Variants in NBAS observed in about 807,000 individuals in gnomAD.
NBAS encodes the protein NBAS subunit of NRZ tethering complex.
A neutral mutation model predicts 302.5 loss-of-function variants in NBAS; 219 were observed. The observed-to-expected ratio is 0.72, with a 90% CI of 0.65 to 0.81. The LOEUF (loss-of-function observed/expected upper bound fraction) is 0.81, where lower values mean the gene tolerates loss of function less well. Among genes scored for constraint, NBAS ranks in the 30% least tolerant of loss-of-function variants. The probability of loss-of-function intolerance (pLI) is 0.00; values close to 1 mark genes in which losing one functional copy is unlikely to be tolerated. For missense variants in NBAS, 2,932 were observed against 2,841.6 expected (o/e 1.03, Z -0.72); for synonymous variants, 1,118 against 1,021.6 (o/e 1.09, Z -1.80).
In NBAS at chr2:15,374,761, T is replaced by C. The variant is rs771138273; in HGVS notation, c.3591-41A>G. On this transcript the variant is annotated intron_variant, in intron 30 of 51. Transcript: ENST00000281513. The stretch of plus-strand genomic sequence containing the variant: ...TAAATTTTTAAAAAGAAGCAACATA[T>C]GTTCACCTTTCTATACTCAACACCA... The C allele has an allele frequency of 3.3e-6, 5 of 1,506,912 alleles. No homozygotes were observed. The South Asian group carries it at 4.5e-5, about 14-fold the overall frequency. 93.3% of individuals were successfully genotyped at this position (1,506,912 alleles called of 1,614,324 possible). A position where few individuals can be genotyped will look rare whatever the true frequency, so the allele number is the denominator to read the frequency against.
intron 48 of NBAS, among the ~76,000 whole-genome samples, chr2:15,202,149 C>A (rs1665905127): frequency 6.6e-6 from 1 of 152,150 alleles, no homozygotes; most frequent in Non-Finnish European, 1.5e-5. Flanking sequence ...AATGAAAGAA[C>A]AGGAATGTAG....
chr2:15,317,948 A>C (rs1245076092), intron 38 of NBAS, among the ~76,000 whole-genome samples: 1 of 152,224 alleles, frequency 6.6e-6, no homozygotes, highest in Non-Finnish European at 1.5e-5. Context: ...CATAATTGTC[A>C]GATTCACCAA....
At chr2:15,269,226 G>C (rs988026138) in intron 44 of NBAS, among the ~76,000 whole-genome samples, 3 of 152,190 alleles carry the variant, frequency 2.0e-5, no homozygotes, top group Non-Finnish European at 2.9e-5. Context: ...CACGGGCAGG[G>C]ATATGTGAAA....
the NBAS span, among the ~76,000 whole-genome samples, chr2:15,160,592 A>G: frequency 0.018 from 1,020 of 55,674 alleles, 1 homozygote; most frequent in Admixed American, 0.039. Context: ...GGGCGGGGGG[A>G]GGGGGGGGGG....
chr2:15,479,639 C>G (rs189816578), intron 12 of NBAS, among the ~76,000 whole-genome samples: 5 of 152,304 alleles, frequency 3.3e-5, no homozygotes, highest in South Asian at 2.1e-4. Context: ...AAATAAATAA[C>G]TCTCACTTGA....
intron 32 of NBAS, among the ~76,000 whole-genome samples, chr2:15,362,766 C>T (rs1673999030): frequency 6.6e-6 from 1 of 152,094 alleles, no homozygotes; most frequent in East Asian, 1.9e-4. Context: ...CCTAGCTAGG[C>T]TACAAGCTCT....
chr2:15,252,198 C>A (rs752398015), intron 44 of NBAS, among the ~76,000 whole-genome samples: 2 of 151,984 alleles, frequency 1.3e-5, no homozygotes, highest in Non-Finnish European at 2.9e-5. Flanking sequence ...GACTTTTTTT[C>A]TTTTAAAAAT....
the NBAS span, among the ~76,000 whole-genome samples, chr2:14,820,864 G>T: frequency 6.6e-6 from 1 of 152,094 alleles, no homozygotes; most frequent in African/African-American, 2.4e-5. Context: ...AAGTGGCCAG[G>T]CCAGGTCAGC....
rs769223809 is a variant in NBAS, at chr2:15,167,241, A to C, written c.6923T>G (p.Phe2308Cys). Residue 2308 changes from phenylalanine (F) to cysteine (C), a missense_variant, in exon 52 of 52, where the codon TTC becomes TGC. By Grantham distance (205) the Phe-to-Cys change is radical. Transcript: ENST00000281513. ...GAGGTGGTCAACAATACGTGGATAG[A>C]AGGGAGTGGAGACACACTTCACCAG... ...KLLVKCVSTP[F>C]YPRIVDHLLA... The C allele has an allele frequency of 6.2e-7, 1 of 1,614,094 alleles. No individual in the cohort carries two copies. Among genetic ancestry groups the C allele is most frequent in the Non-Finnish European group, 8.5e-7 (1 of 1,180,048 alleles).
chr2:14,920,916 T>C, the NBAS span, among the ~76,000 whole-genome samples: 4 of 152,008 alleles, frequency 2.6e-5, no homozygotes, highest in African/African-American at 9.7e-5. Context: ...TTTTTTTTTT[T>C]AATCATTCAT....
At chr2:14,821,162 G>A in the NBAS span, among the ~76,000 whole-genome samples, 10 of 152,150 alleles carry the variant, frequency 6.6e-5, no homozygotes, top group South Asian at 1.9e-3. Context: ...TCCTGACCTC[G>A]TGATCCGCCC....
the NBAS span, among the ~76,000 whole-genome samples, chr2:15,048,323 C>T: frequency 6.6e-6 from 1 of 152,218 alleles, no homozygotes; most frequent in South Asian, 2.1e-4. Context: ...GTCCAATGTG[C>T]AGGGCACACA....
chr2:14,812,395 AC>A, the NBAS span, among the ~76,000 whole-genome samples: 1 of 152,208 alleles, frequency 6.6e-6, no homozygotes, highest in Non-Finnish European at 1.5e-5. Flanking sequence ...ACCAGGAGAT[AC>A]TAGACTTCTA....
the NBAS span, among the ~76,000 whole-genome samples, chr2:14,948,731 GA>G: frequency 6.6e-6 from 1 of 151,100 alleles, no homozygotes; most frequent in Admixed American, 6.6e-5. Flanking sequence ...CACAGAAATA[GA>G]AAAAAAAATC....
At chr2:15,144,795 G>A in the NBAS span, among the ~76,000 whole-genome samples, 5 of 152,334 alleles carry the variant, frequency 3.3e-5, no homozygotes, top group African/African-American at 7.2e-5. Flanking sequence ...AGGTGGTTGC[G>A]TTGGTTTATG....
intron 38 of NBAS, among the ~76,000 whole-genome samples, chr2:15,323,315 TGAGGAAAAAAGA>T (rs990015682): frequency 1.3e-5 from 2 of 151,988 alleles, no homozygotes; most frequent in Non-Finnish European, 2.9e-5. Flanking sequence ...CTCACAGCTT[TGAGGAAAAAAGA>T]GTGAGAAGTA....
At chr2:14,786,810 A>T in the NBAS span, among the ~76,000 whole-genome samples, 42 of 152,020 alleles carry the variant, frequency 2.8e-4, no homozygotes, top group East Asian at 9.7e-4. Flanking sequence ...TGATTTGGGG[A>T]GGAGAGTTCT....
intron 44 of NBAS, among the ~76,000 whole-genome samples, chr2:15,257,123 T>G (rs1050028493): frequency 6.6e-6 from 1 of 152,222 alleles, no homozygotes; most frequent in Non-Finnish European, 1.5e-5. Context: ...CAGTAAGATT[T>G]GTACTAATTA....
the NBAS span, among the ~76,000 whole-genome samples, chr2:15,062,797 A>G: frequency 3.3e-5 from 5 of 152,228 alleles, no homozygotes; most frequent in African/African-American, 7.2e-5. Flanking sequence ...AACCTGCCAC[A>G]TGGAACTTGA....
Sources: gnomAD v4.1 joint callset for allele counts (sites outside exome capture counted in the v4.1 genomes callset) on GRCh38, gnomAD v4.1.1 for gene constraint, MANE v1.5 for transcripts, NCBI Gene and HGNC (gene_info 2026-07-23, HGNC 2026-07-21) for gene names.